TMPRSS6: variants seen among roughly 807,000 people sequenced by gnomAD.
TMPRSS6 encodes the protein transmembrane serine protease 6, also known as transmembrane protease serine 6.
TMPRSS6 carries 67 observed loss-of-function variants against 101.5 expected under a neutral mutation model. That is an observed-to-expected ratio of 0.66 (90% confidence interval 0.54 to 0.81). The LOEUF (loss-of-function observed/expected upper bound fraction) is 0.81. Among genes scored for constraint, TMPRSS6 ranks in the 30% least tolerant of loss-of-function variants. TMPRSS6 has a pLI of 0.00. For missense variants in TMPRSS6, 1,034 were observed against 1,088.7 expected, an observed-to-expected ratio of 0.95 and a Z score of 0.71; for synonymous variants, 453 against 464.9, an observed-to-expected ratio of 0.97 and a Z score of 0.33.
chr22:37,084,234 G>T (rs749387892), intron 10 of TMPRSS6, 61 bp downstream of exon 10: 12 of 1,409,562 alleles, frequency 8.5e-6, no homozygotes, highest in Non-Finnish European at 1.2e-5. Context: ...TCACTATTGA[G>T]GAGGGAAGAG....
chr22:37,071,229 G>A (rs1926873178), intron 13 of TMPRSS6, among the ~76,000 whole-genome samples, 197 bp from the exon 14 acceptor site: 1 of 151,714 alleles, frequency 6.6e-6, no homozygotes, highest in Non-Finnish European at 1.5e-5. Context: ...ACTCAGACTG[G>A]CCTATTGAGC....
At chr22:37,078,903 A>G (rs1269961102) in intron 10 of TMPRSS6, among the ~76,000 whole-genome samples, 1 of 144,834 alleles carries the variant, frequency 6.9e-6, no homozygotes, top group Admixed American at 6.7e-5. Context: ...AGAATAAGGA[A>G]GAAGAAAGAA....
chr22:37,103,699 G>A lies in TMPRSS6; in HGVS notation c.-1-281C>T. Reference sequence around the variant, plus strand: ...CTGGCTTCCCTATGGTCAGAGGACAGACGGAGGTCTCAGTACCTAAACACC... The same window carrying A: ...CTGGCTTCCCTATGGTCAGAGGACAAACGGAGGTCTCAGTACCTAAACACC... On this transcript the variant is annotated intron_variant, in intron 1 of 17. Coordinates refer to ENST00000676104, the MANE Select transcript of TMPRSS6 (RefSeq NM_001374504.1). This position sits in a 1 kb window ranked among gnomAD's most constrained non-coding sequence, Gnocchi z 4.4. 1 of 1,047,268 alleles carries A rather than the reference G, an allele frequency of 9.5e-7. No individual in the cohort carries two copies. Among genetic ancestry groups the A allele is most frequent in the Admixed American group, 1.9e-5 (1 of 52,424 alleles). 64.9% of individuals were successfully genotyped at this position (1,047,268 alleles called of 1,614,324 possible).
At chr22:37,086,996 TGGTGACACTGTTGG>T (rs759071110) in intron 7 of TMPRSS6, among the ~76,000 whole-genome samples, 18 of 152,202 alleles carry the variant, frequency 1.2e-4, no homozygotes, top group Non-Finnish European at 1.8e-4. Flanking sequence ...CTGAAAAGAC[TGGTGACACTGTTGG>T]GGTCAGCTGC....
intron 14 of TMPRSS6, 130 bp from the exon 15 acceptor site, chr22:37,070,782 A>G (rs1488575283): frequency 3.8e-6 from 5 of 1,317,424 alleles, no homozygotes; most frequent in Non-Finnish European, 5.4e-6. Flanking sequence ...AGAGACCATC[A>G]GGACCCAGGC....
At chr22:37,083,929 G>T (rs988253499) in intron 10 of TMPRSS6, 2 of 510,566 alleles carry the variant, frequency 3.9e-6, no homozygotes, top group African/African-American at 3.8e-5. Flanking sequence ...AGGCACCAAA[G>T]TGCCCATGAG....
At chr22:37,074,279 G>A (rs1403909352) in intron 12 of TMPRSS6, among the ~76,000 whole-genome samples, 2 of 152,186 alleles carry the variant, frequency 1.3e-5, no homozygotes, top group African/African-American at 4.8e-5. Flanking sequence ...CCTTTGACAG[G>A]GCAGAGGAGG....
At chr22:37,070,727 A>G in intron 14 of TMPRSS6, 75 bp from the exon 15 acceptor site, 13 of 1,511,694 alleles carry the variant, frequency 8.6e-6, no homozygotes, top group Non-Finnish European at 9.1e-6. Context: ...GGAAGGGCAA[A>G]GGAAAGAGAT....
At chr22:37,083,546 G>C (rs1928427638) in intron 10 of TMPRSS6, among the ~76,000 whole-genome samples, 1 of 152,212 alleles carries the variant, frequency 6.6e-6, no homozygotes, top group African/African-American at 2.4e-5. Flanking sequence ...CCCTGTCTCT[G>C]TTTCCCTGCC....
In TMPRSS6 at chr22:37,069,155, G is replaced by A. The variant is rs748963227; in HGVS notation, c.2031C>T (p.Pro677=). The change falls in exon 16 of 18, where the codon CCC becomes CCT. Residue 677 remains proline (P), a synonymous_variant. Transcript: ENST00000676104. This position sits in a 1 kb window ranked among gnomAD's most constrained non-coding sequence, Gnocchi z 4.8. ...AGTGGGAGCGCGCGGGCAGGCAGAC[G>A]GGGCGCACGGCGGCCGAGCGCACCA... ...HPVVRSAAVR[P]VCLPARSHFF... The A allele has an allele frequency of 7.0e-6, 11 of 1,578,810 alleles. No individual in the cohort carries two copies. The highest frequency in any genetic ancestry group is 1.1e-5 in the South Asian group (1 of 86,974).
chr22:37,100,807 C>G (rs9619658), intron 2 of TMPRSS6, among the ~76,000 whole-genome samples: 1 of 151,844 alleles, frequency 6.6e-6, no homozygotes, highest in Non-Finnish European at 1.5e-5. Context: ...ACGAAAGAAG[C>G]GGGTGGAGAG....
At position 37,069,004 on chromosome 22, in the gene TMPRSS6, A is replaced by C; in HGVS notation, c.2113+69T>G. 1.3e-6 allele frequency: 2 copies of C among 1,522,300 alleles called. No homozygotes were observed. The highest frequency in any genetic ancestry group is 1.8e-6 in the Non-Finnish European group (2 of 1,140,368). The allele number at this position is 1,522,300 out of a possible 1,614,324, so 94.3% of individuals were successfully genotyped here. On this transcript the variant is annotated intron_variant, in intron 16 of 17. Transcript: ENST00000676104. This position sits in a 1 kb window ranked among gnomAD's most constrained non-coding sequence, Gnocchi z 4.8. Reference sequence around the variant, plus strand: ...GGGACCCCCAGCCCCGCCCTTCTCCAGGCCAGGTGTTACGGCGCAGATCCG... The same window carrying C: ...GGGACCCCCAGCCCCGCCCTTCTCCCGGCCAGGTGTTACGGCGCAGATCCG...
At chr22:37,080,899 T>C (rs1461052746) in intron 10 of TMPRSS6, among the ~76,000 whole-genome samples, 7 of 152,236 alleles carry the variant, frequency 4.6e-5, no homozygotes, top group Non-Finnish European at 7.3e-5. Flanking sequence ...GAGGGAAGAA[T>C]CGCACACGTG....
intron 6 of TMPRSS6, among the ~76,000 whole-genome samples, chr22:37,094,652 CTCTA>C (rs1929597436): frequency 1.3e-5 from 2 of 151,746 alleles, no homozygotes; most frequent in Non-Finnish European, 2.9e-5. Flanking sequence ...CACATGGTCA[CTCTA>C]TCTTTGTATG....
At chr22:37,105,247 G>T (rs1232694475) in intron 1 of TMPRSS6, among the ~76,000 whole-genome samples, 2 of 152,200 alleles carry the variant, frequency 1.3e-5, no homozygotes, top group African/African-American at 4.8e-5. Context: ...GGACTGCAGG[G>T]GACCCTCACT....
At chr22:37,074,210 C>G (rs1176687562) in intron 12 of TMPRSS6, among the ~76,000 whole-genome samples, 1 of 152,202 alleles carries the variant, frequency 6.6e-6, no homozygotes, top group Non-Finnish European at 1.5e-5. Context: ...CCCCCAGCAC[C>G]GTGGCAGGAT....
At chr22:37,070,785 AC>A in intron 14 of TMPRSS6, 130 bp downstream of exon 14, 1 of 1,309,180 alleles carries the variant, frequency 7.6e-7, no homozygotes, top group Non-Finnish European at 1.1e-6. Context: ...GACCATCAGG[AC>A]CCAGGCAAGG....
intron 13 of TMPRSS6, among the ~76,000 whole-genome samples, chr22:37,072,378 GGATGGATGATGGATC>G (rs1450992922): frequency 6.7e-6 from 1 of 149,178 alleles, no homozygotes; most frequent in Non-Finnish European, 1.5e-5. Context: ...GTGCATGGAT[GGATGGATGATGGATC>G]GATGGATGAT....
At chr22:37,084,465 C>T in intron 9 of TMPRSS6, 61 bp from the exon 10 acceptor site, 2 of 1,219,886 alleles carry the variant, frequency 1.6e-6, no homozygotes, top group Non-Finnish European at 2.4e-6. Flanking sequence ...GGTGAACCCA[C>T]CTCCCTAACA....
Sources: gnomAD v4.1 joint callset for allele counts (sites outside exome capture counted in the v4.1 genomes callset) on GRCh38, gnomAD v4.1.1 for gene constraint, Gnocchi (gnomAD v3.1) non-coding constraint, MANE v1.5 for transcripts, NCBI Gene and HGNC (gene_info 2026-07-23, HGNC 2026-07-21) for gene names.